MACROD2: variants seen among roughly 807,000 people sequenced by gnomAD.
The protein encoded by MACROD2 is mono-ADP ribosylhydrolase 2.
A neutral mutation model predicts 70.4 loss-of-function variants in MACROD2; 36 were observed. That is an observed-to-expected ratio of 0.51 (90% CI 0.39 to 0.68). MACROD2 has a LOEUF of 0.68. Ranked by LOEUF, MACROD2 falls within the 30% of genes least tolerant of loss-of-function variation. MACROD2 has a pLI of 0.00. For synonymous variants in MACROD2, 172 were observed against 178.8 expected (o/e 0.96, Z 0.30); for missense variants, 496 against 538.4 (o/e 0.92, Z 0.78).
intron 6 of MACROD2, among the ~76,000 whole-genome samples, chr20:15,365,026 A>G (rs1234762362): frequency 6.6e-6 from 1 of 152,242 alleles, no homozygotes; most frequent in African/African-American, 2.4e-5. Context: ...GAACTTCAAC[A>G]GTGCATTTGT....
intron 7 of MACROD2, among the ~76,000 whole-genome samples, chr20:15,495,638 G>C (rs111818724): frequency 1.0e-3 from 152 of 152,288 alleles, no homozygotes; most frequent in Non-Finnish European, 1.9e-3. Flanking sequence ...TCAACACCTA[G>C]TTATTGATCA....
chr20:15,344,904 C>T (rs1398664463), intron 6 of MACROD2, among the ~76,000 whole-genome samples: 1 of 152,190 alleles, frequency 6.6e-6, no homozygotes, highest in Non-Finnish European at 1.5e-5. Flanking sequence ...CTGTAACAAA[C>T]TACCATGAAC....
chr20:15,492,001 C>T (rs1166418114), intron 7 of MACROD2, among the ~76,000 whole-genome samples: 1 of 152,258 alleles, frequency 6.6e-6, no homozygotes, highest in East Asian at 1.9e-4. Flanking sequence ...GTGGCCACCT[C>T]ACCCTTGCCT....
chr20:15,452,838 A>C (rs1327595319), intron 7 of MACROD2, among the ~76,000 whole-genome samples: 4 of 152,190 alleles, frequency 2.6e-5, no homozygotes, highest in African/African-American at 9.6e-5. Context: ...TCTCCCAGAC[A>C]ACTGAGTATA....
At chr20:15,499,919 A>G in intron 8 of MACROD2, 72 bp downstream of exon 8, 1 of 1,452,288 alleles carries the variant, frequency 6.9e-7, no homozygotes, top group Non-Finnish European at 9.6e-7. Context: ...CCAAAAAAGC[A>G]CATAAATTTT....
chr20:15,361,722 T>C (rs1011544611), intron 6 of MACROD2, among the ~76,000 whole-genome samples: 1 of 152,202 alleles, frequency 6.6e-6, no homozygotes, highest in African/African-American at 2.4e-5. Context: ...AGATATTCTT[T>C]GATTTTTTTT....
intron 17 of MACROD2, among the ~76,000 whole-genome samples, chr20:16,048,484 A>C (rs2067414366): frequency 6.6e-6 from 1 of 152,202 alleles, no homozygotes; most frequent in African/African-American, 2.4e-5. Context: ...GTTCAATAAG[A>C]GTTCTACAAG....
At chr20:15,996,169 G>T (rs1164144797) in intron 15 of MACROD2, among the ~76,000 whole-genome samples, 2 of 152,090 alleles carry the variant, frequency 1.3e-5, no homozygotes, top group African/African-American at 4.8e-5. Flanking sequence ...ACACTTGTTA[G>T]TTCTTTCTTG....
chr20:14,932,570 T>A (rs1485312284), intron 5 of MACROD2, among the ~76,000 whole-genome samples: 1 of 152,162 alleles, frequency 6.6e-6, no homozygotes, highest in Non-Finnish European at 1.5e-5. Context: ...TTTTTTGTTT[T>A]GTTTTGTTTT....
intron 8 of MACROD2, among the ~76,000 whole-genome samples, chr20:15,615,815 C>T (rs942345267): frequency 5.3e-5 from 8 of 152,086 alleles, no homozygotes; most frequent in Admixed American, 5.2e-4. Context: ...CAGGGAGGTA[C>T]CTGTGAGAAG....
intron 3 of MACROD2, among the ~76,000 whole-genome samples, chr20:14,161,062 G>C (rs2055180000): frequency 6.6e-6 from 1 of 151,912 alleles, no homozygotes; most frequent in Non-Finnish European, 1.5e-5. Flanking sequence ...CCATTGTTTA[G>C]CTCCCACTTA....
At chr20:14,840,867 A>G (rs1201805359) in intron 5 of MACROD2, among the ~76,000 whole-genome samples, 1 of 152,134 alleles carries the variant, frequency 6.6e-6, no homozygotes, top group Non-Finnish European at 1.5e-5. Context: ...AATTTGGCTT[A>G]AAGAGTGCAG....
At chr20:14,627,088 G>C (rs149242263) in intron 4 of MACROD2, 1 of 152,132 alleles carries the variant, frequency 6.6e-6, no homozygotes, top group Non-Finnish European at 1.5e-5. Context: ...TAGAATCCTC[G>C]AGGACCTGCT....
At chr20:15,478,235 G>A (rs1458723271) in intron 7 of MACROD2, among the ~76,000 whole-genome samples, 3 of 152,208 alleles carry the variant, frequency 2.0e-5, no homozygotes, top group African/African-American at 7.2e-5. Flanking sequence ...CTGTGCCAGT[G>A]AGGTTCGAGG....
At chr20:14,387,565 G>A (rs963609692) in intron 3 of MACROD2, among the ~76,000 whole-genome samples, 1 of 152,174 alleles carries the variant, frequency 6.6e-6, no homozygotes, top group African/African-American at 2.4e-5. Context: ...GCCAGCCTCT[G>A]TGCTTCTGTG....
chr20:14,731,028 A>C (rs7360820), intron 5 of MACROD2, among the ~76,000 whole-genome samples: 3 of 148,624 alleles, frequency 2.0e-5, no homozygotes, highest in African/African-American at 5.0e-5. Flanking sequence ...CACACTCACA[A>C]ACACATACAT....
intron 8 of MACROD2, among the ~76,000 whole-genome samples, chr20:15,759,215 C>T (rs8116314): frequency 0.018 from 2,647 of 148,116 alleles, 87 homozygotes; most frequent in African/African-American, 0.063. Context: ...CAAAGATGTT[C>T]AAAGATGCCT....
chr20:15,428,160 C>T (rs1236097195), intron 6 of MACROD2, among the ~76,000 whole-genome samples: 1 of 152,192 alleles, frequency 6.6e-6, no homozygotes. Context: ...ATTTCTCTTA[C>T]TCCTTCTACA....
intron 8 of MACROD2, among the ~76,000 whole-genome samples, chr20:15,787,641 A>T (rs1466978272): frequency 6.6e-6 from 1 of 152,058 alleles, no homozygotes; most frequent in Non-Finnish European, 1.5e-5. Context: ...TGATTTTGAT[A>T]TTTTTTTATG....
Sources: allele counts gnomAD v4.1 joint callset (sites outside exome capture counted in the v4.1 genomes callset), GRCh38; gene constraint gnomAD v4.1.1; transcripts MANE v1.5; gene names NCBI Gene and HGNC (gene_info 2026-07-23, HGNC 2026-07-21).